Variants in AGBL4 observed in about 807,000 individuals in gnomAD.
AGBL4 encodes AGBL carboxypeptidase 4, also known as cytosolic carboxypeptidase 6.
A neutral mutation model predicts 66.4 loss-of-function variants in AGBL4; 58 were observed. The ratio of observed to expected loss-of-function variants is 0.87; its 90% CI spans 0.71 to 1.09. The LOEUF is 1.09. Among genes scored for constraint, AGBL4 ranks in the 50% least tolerant of loss-of-function variants. The pLI, the probability that AGBL4 is intolerant of heterozygous loss-of-function variation, is 0.00. For synonymous variants in AGBL4, 234 were observed against 222.9 expected, an observed-to-expected ratio of 1.05 and a Z score of -0.44; for missense variants, 579 against 631.0, an observed-to-expected ratio of 0.92 and a Z score of 0.88.
intron 11 of AGBL4, among the ~76,000 whole-genome samples, chr1:48,581,761 C>G (rs866507279): frequency 1.4e-4 from 22 of 152,340 alleles, no homozygotes; most frequent in Middle Eastern, 3.4e-3. Flanking sequence ...TTCTCCCATG[C>G]AGCCCTAACA....
intron 5 of AGBL4, among the ~76,000 whole-genome samples, chr1:48,944,070 G>A (rs566735348): frequency 3.3e-5 from 5 of 152,284 alleles, no homozygotes; most frequent in South Asian, 4.1e-4. Context: ...AGTCACTGAC[G>A]AGACAAAAGT....
intron 3 of AGBL4, among the ~76,000 whole-genome samples, chr1:49,401,793 T>C (rs1473745705): frequency 6.6e-6 from 1 of 152,202 alleles, no homozygotes; most frequent in Non-Finnish European, 1.5e-5. Flanking sequence ...AATTCAACAA[T>C]GAAACTATCA....
chr1:48,876,380 T>C (rs1379380860), intron 5 of AGBL4, among the ~76,000 whole-genome samples: 1 of 152,132 alleles, frequency 6.6e-6, no homozygotes, highest in African/African-American at 2.4e-5. Flanking sequence ...GATTTCACTT[T>C]CCTTTGCTCT....
chr1:48,720,432 T>C (rs148919375), intron 6 of AGBL4, among the ~76,000 whole-genome samples: 16 of 152,338 alleles, frequency 1.1e-4, no homozygotes, highest in Admixed American at 2.0e-4. Flanking sequence ...GCATCTAGCA[T>C]GATCATTAAG....
intron 4 of AGBL4, among the ~76,000 whole-genome samples, chr1:49,223,898 T>C (rs1461197066): frequency 3.3e-5 from 5 of 152,224 alleles, no homozygotes; most frequent in African/African-American, 4.8e-5. Context: ...GTGCTAATGA[T>C]GACAATTTCA....
At chr1:49,932,972 G>C (rs142352230) in intron 1 of AGBL4, among the ~76,000 whole-genome samples, 2 of 152,084 alleles carry the variant, frequency 1.3e-5, no homozygotes, top group African/African-American at 4.8e-5. Context: ...CAAAGAAGAC[G>C]AGAGACCAAA....
intron 1 of AGBL4, among the ~76,000 whole-genome samples, chr1:49,957,351 G>C (rs1056263229): frequency 2.6e-5 from 4 of 152,160 alleles, no homozygotes; most frequent in African/African-American, 7.2e-5. Flanking sequence ...TTGGGGTGGA[G>C]AGTTCTGTAG....
At chr1:49,907,012 G>A (rs1416182059) in intron 1 of AGBL4, among the ~76,000 whole-genome samples, 1 of 151,984 alleles carries the variant, frequency 6.6e-6, no homozygotes, top group Non-Finnish European at 1.5e-5. Flanking sequence ...CTTTTCATGA[G>A]AACTATAAAG....
chr1:49,235,607 T>G (rs1650666484), intron 4 of AGBL4, among the ~76,000 whole-genome samples: 1 of 152,194 alleles, frequency 6.6e-6, no homozygotes, highest in Admixed American at 6.5e-5. Flanking sequence ...TGAATAATAA[T>G]CTCTATTTTA....
At chr1:49,570,988 C>A (rs1322549178) in intron 3 of AGBL4, among the ~76,000 whole-genome samples, 2 of 152,104 alleles carry the variant, frequency 1.3e-5, no homozygotes, top group East Asian at 3.9e-4. Flanking sequence ...ATTACTATAG[C>A]CTTGCAATAT....
At chr1:49,459,721 G>T (rs1451342435) in intron 3 of AGBL4, among the ~76,000 whole-genome samples, 1 of 151,406 alleles carries the variant, frequency 6.6e-6, no homozygotes, top group Admixed American at 6.6e-5. Flanking sequence ...GATTGTTCTT[G>T]TTTCCCCAGT....
At chr1:49,256,084 A>G (rs1168702928) in intron 3 of AGBL4, among the ~76,000 whole-genome samples, 2 of 152,298 alleles carry the variant, frequency 1.3e-5, no homozygotes, top group East Asian at 3.9e-4. Context: ...TGACAAAATA[A>G]TCTGTGCAGC....
chr1:48,635,400 C>CA (rs1463439772), intron 8 of AGBL4, among the ~76,000 whole-genome samples: 5 of 152,254 alleles, frequency 3.3e-5, no homozygotes. Context: ...ACTTTTGTCT[C>CA]AGTGAGAACC....
At chr1:49,542,896 CAAAAAAAAAAAAAAA>C (rs35734647) in intron 3 of AGBL4, among the ~76,000 whole-genome samples, 3 of 22,890 alleles carry the variant, frequency 1.3e-4, no homozygotes, top group Non-Finnish European at 6.9e-5. Context: ...AAGACTCCAT[CAAAAAAAAAAAAAAA>C]AAAAAAAAAA....
At chr1:49,503,454 G>T (rs902312411) in intron 3 of AGBL4, among the ~76,000 whole-genome samples, 20 of 152,286 alleles carry the variant, frequency 1.3e-4, no homozygotes, top group African/African-American at 4.6e-4. Context: ...CTGTGAGAAG[G>T]TGGCCACTGT....
chr1:49,852,280 T>C (rs904264052), intron 1 of AGBL4, among the ~76,000 whole-genome samples: 13 of 152,130 alleles, frequency 8.5e-5, no homozygotes, highest in African/African-American at 3.1e-4. Context: ...AGTGACTCCT[T>C]CATGGCAGAG....
intron 10 of AGBL4, among the ~76,000 whole-genome samples, chr1:48,588,892 A>G (rs1204478514): frequency 6.9e-6 from 1 of 143,966 alleles, no homozygotes; most frequent in Non-Finnish European, 1.5e-5. Flanking sequence ...GGACCAGGAC[A>G]GATGACCTTG....
At chr1:49,621,218 G>T (rs2124300311) in intron 3 of AGBL4, among the ~76,000 whole-genome samples, 1 of 152,092 alleles carries the variant, frequency 6.6e-6, no homozygotes, top group East Asian at 1.9e-4. Context: ...CTGCAGAAAG[G>T]GTACACTCAC....
intron 3 of AGBL4, among the ~76,000 whole-genome samples, chr1:49,532,633 T>G (rs568098845): frequency 6.6e-6 from 1 of 152,196 alleles, no homozygotes; most frequent in East Asian, 1.9e-4. Flanking sequence ...TCACCTTTAA[T>G]TACATTTAGT....
Sources: allele counts gnomAD v4.1 joint callset (sites outside exome capture counted in the v4.1 genomes callset), GRCh38; gene constraint gnomAD v4.1.1; transcripts MANE v1.5; gene names NCBI Gene and HGNC (gene_info 2026-07-23, HGNC 2026-07-21).